DLGAP4: variants seen among roughly 807,000 people sequenced by gnomAD.
DLGAP4 encodes the protein DLG associated protein 4.
DLGAP4 carries 18 observed loss-of-function variants against 86.9 expected under a neutral mutation model. That is an observed-to-expected ratio of 0.21 (90% CI 0.14 to 0.31). The LOEUF (loss-of-function observed/expected upper bound fraction) is 0.31, where lower values mean the gene tolerates loss of function less well. DLGAP4 is among the 10% of genes least tolerant of loss of function. The pLI is 1.00. For synonymous variants in DLGAP4, 548 were observed against 574.3 expected (o/e 0.95, Z 0.65); for missense variants, 1,085 against 1,362.6 (o/e 0.80, Z 3.21).
chr20:36,355,430 C>T (rs1327395163), intron 1 of DLGAP4, among the ~76,000 whole-genome samples: 2 of 151,992 alleles, frequency 1.3e-5, no homozygotes, highest in Non-Finnish European at 2.9e-5. Flanking sequence ...CTGAGTAACT[C>T]GGACTACAGA....
intron 1 of DLGAP4, among the ~76,000 whole-genome samples, chr20:36,351,407 A>G (rs921078864): frequency 3.2e-4 from 48 of 151,688 alleles, no homozygotes; most frequent in African/African-American, 1.0e-3. Context: ...AGGAGCTCGA[A>G]CCCTATTGTG....
chr20:36,365,132 G>A (rs2030640089), intron 1 of DLGAP4, among the ~76,000 whole-genome samples: 1 of 152,156 alleles, frequency 6.6e-6, no homozygotes, highest in Non-Finnish European at 1.5e-5. Flanking sequence ...GGGAATCAAG[G>A]AGGAGACTTG....
At chr20:36,414,885 AGTT>A (rs2032608789) in intron 2 of DLGAP4, among the ~76,000 whole-genome samples, 1 of 152,196 alleles carries the variant, frequency 6.6e-6, no homozygotes, top group African/African-American at 2.4e-5. Context: ...AAGTCTAGAG[AGTT>A]GTGCTCTGGG....
chr20:36,339,537 C>T (rs781831602), intron 1 of DLGAP4, among the ~76,000 whole-genome samples: 1 of 152,226 alleles, frequency 6.6e-6, no homozygotes, highest in African/African-American at 2.4e-5. Flanking sequence ...ACAGCCACCA[C>T]CCCTGGCTAA....
Position 36,524,674 on chromosome 20 carries a change from G to A in DLGAP4, c.2604+333G>A, listed in dbSNP as rs554847119. 2.6e-5 allele frequency among the ~76,000 whole-genome samples: 4 copies of A among 151,822 alleles called. No homozygotes were observed. The East Asian group carries it at 5.8e-4, about 22-fold the overall frequency. Reference sequence around the variant, plus strand: ...ATTCCAACACTTGGGAGGCTGAGGCGGGTGGATCACCTGAGGTCCGGAGTT... The same window carrying A: ...ATTCCAACACTTGGGAGGCTGAGGCAGGTGGATCACCTGAGGTCCGGAGTT... On this transcript the variant is annotated intron_variant, in intron 11 of 12. Coordinates refer to ENST00000339266, the MANE Select transcript of DLGAP4 (RefSeq NM_001365621.2).
chr20:36,421,697 C>A (rs1411824148), intron 2 of DLGAP4, among the ~76,000 whole-genome samples: 1 of 151,914 alleles, frequency 6.6e-6, no homozygotes, highest in African/African-American at 2.4e-5. Flanking sequence ...CGGTTTCTGA[C>A]CTGAACAAGC....
chr20:36,449,108 ACT>A (rs1234872862), intron 7 of DLGAP4, among the ~76,000 whole-genome samples: 2 of 151,684 alleles, frequency 1.3e-5, no homozygotes, highest in Non-Finnish European at 2.9e-5. Context: ...TGGCATCGGG[ACT>A]CTCTGATGCC....
In DLGAP4 at chr20:36,500,710, CTT is replaced by C; in HGVS notation, c.2512+100_2512+101del. 1 of 1,172,086 alleles carries C rather than the reference CTT, an allele frequency of 8.5e-7. No individual in the cohort carries two copies. Among genetic ancestry groups the C allele is most frequent in the Non-Finnish European group, 1.1e-6 (1 of 885,888 alleles). The allele number at this position is 1,172,086 out of a possible 1,614,324, so 72.6% of individuals were successfully genotyped here. A position where few individuals can be genotyped will look rare whatever the true frequency, so the allele number is the denominator to read the frequency against. ...CTTCCGAACTTCTGAGTGGGGGTCTCTTAGGTTCTCTTCTTGGGCTAGTTTTT... is the reference window on the plus strand; with the variant it reads ...CTTCCGAACTTCTGAGTGGGGGTCTCAGGTTCTCTTCTTGGGCTAGTTTTT... On this transcript the variant is annotated intron_variant, in intron 10 of 12. Coordinates refer to ENST00000339266, the MANE Select transcript of DLGAP4 (RefSeq NM_001365621.2). This position sits in a 1 kb window ranked among gnomAD's most constrained non-coding sequence, Gnocchi z 4.6.
At chr20:36,374,244 G>A (rs548253393) in intron 2 of DLGAP4, among the ~76,000 whole-genome samples, 1 of 152,246 alleles carries the variant, frequency 6.6e-6, no homozygotes, top group East Asian at 1.9e-4. Flanking sequence ...GGAGAGGGGA[G>A]CACATGGATG....
chr20:36,318,729 C>G (rs1424542276), intron 1 of DLGAP4, among the ~76,000 whole-genome samples: 1 of 152,096 alleles, frequency 6.6e-6, no homozygotes, highest in Non-Finnish European at 1.5e-5. Context: ...CAGACGAGGG[C>G]AGGGAGGCTC....
At chr20:36,395,010 C>G (rs971662147) in intron 2 of DLGAP4, among the ~76,000 whole-genome samples, 10 of 152,224 alleles carry the variant, frequency 6.6e-5, no homozygotes, top group Non-Finnish European at 1.0e-4. Flanking sequence ...CCTCTTTTAG[C>G]CTCCCCGTCG....
chr20:36,478,605 AC>A (rs1415647432), intron 7 of DLGAP4, among the ~76,000 whole-genome samples: 2 of 152,202 alleles, frequency 1.3e-5, no homozygotes, highest in Admixed American at 1.3e-4. Flanking sequence ...GATTCCACCA[AC>A]CAGAGCAGGA....
chr20:36,466,109 G>A (rs1367962202), intron 7 of DLGAP4, among the ~76,000 whole-genome samples: 1 of 152,138 alleles, frequency 6.6e-6, no homozygotes, highest in Non-Finnish European at 1.5e-5. Flanking sequence ...CAGGTCTTGG[G>A]GCAGGAATCA....
chr20:36,370,552 G>T (rs1474877111), intron 2 of DLGAP4, among the ~76,000 whole-genome samples: 2 of 151,960 alleles, frequency 1.3e-5, no homozygotes, highest in Non-Finnish European at 2.9e-5. Context: ...GAAGGCCAAG[G>T]CATACTCAGG....
intron 10 of DLGAP4, among the ~76,000 whole-genome samples, chr20:36,521,247 C>T (rs910307761): frequency 6.6e-6 from 1 of 152,228 alleles, no homozygotes; most frequent in Non-Finnish European, 1.5e-5. Flanking sequence ...AGGCGTGAGC[C>T]TCCACGTTCA....
At chr20:36,406,478 G>A (rs892991588) in intron 2 of DLGAP4, among the ~76,000 whole-genome samples, 5 of 151,688 alleles carry the variant, frequency 3.3e-5, no homozygotes, top group African/African-American at 4.8e-5. Flanking sequence ...GATGCTCTGC[G>A]TGTCTTGGTC....
chr20:36,509,330 G>A (rs2036558114), intron 10 of DLGAP4, among the ~76,000 whole-genome samples: 1 of 152,138 alleles, frequency 6.6e-6, no homozygotes, highest in South Asian at 2.1e-4. Context: ...CAGCACTTTG[G>A]GAGGCCGAGG....
chr20:36,523,207 C>G (rs1204965124), intron 10 of DLGAP4, among the ~76,000 whole-genome samples: 1 of 152,096 alleles, frequency 6.6e-6, no homozygotes, highest in Non-Finnish European at 1.5e-5. Context: ...TGCGCACTAG[C>G]ACACCCAGCT....
At position 36,359,408 on chromosome 20, in the gene DLGAP4, C is replaced by G. The variant is rs192728350; in HGVS notation, c.-303-7637C>G. On this transcript the variant is annotated intron_variant, in intron 1 of 12. Transcript: ENST00000339266. Reference sequence around the variant, plus strand: ...AGATTAGAGCATTTCCATCATGGCACAAATTCTTTTGGACAGCATTCCTCC... The same window carrying G: ...AGATTAGAGCATTTCCATCATGGCAGAAATTCTTTTGGACAGCATTCCTCC... Among the ~76,000 whole-genome samples, 520 of 152,336 alleles carry G rather than the reference C, an allele frequency of 3.4e-3. 5 individuals carry two copies. Among genetic ancestry groups the G allele is most frequent in the Non-Finnish European group, 2.3e-3 (158 of 68,040 alleles).
Sources: allele counts gnomAD v4.1 joint callset (sites outside exome capture counted in the v4.1 genomes callset), GRCh38; gene constraint gnomAD v4.1.1; non-coding constraint Gnocchi (gnomAD v3.1); transcripts MANE v1.5; gene names NCBI Gene and HGNC (gene_info 2026-07-23, HGNC 2026-07-21).